NBAS: variants seen among roughly 807,000 people sequenced by gnomAD.
The protein encoded by NBAS is NAG/BC035112 fusion.
A neutral mutation model predicts 302.5 loss-of-function variants in NBAS; 219 were observed. That is an observed-to-expected ratio of 0.72 (90% CI 0.65 to 0.81). The LOEUF is 0.81. NBAS is among the 30% of genes least tolerant of loss of function. The pLI is 0.00. For synonymous variants in NBAS, 1,118 were observed against 1,021.6 expected (o/e 1.09, Z -1.80); for missense variants, 2,932 against 2,841.6 (o/e 1.03, Z -0.72).
At chr2:15,212,735 T>C (rs1330111420) in intron 48 of NBAS, among the ~76,000 whole-genome samples, 1 of 152,154 alleles carries the variant, frequency 6.6e-6, no homozygotes, top group Non-Finnish European at 1.5e-5. Context: ...TCTGATGGTT[T>C]TATAGGAAGC....
the NBAS span, among the ~76,000 whole-genome samples, chr2:14,891,184 C>T: frequency 1.3e-5 from 2 of 152,152 alleles, no homozygotes; most frequent in African/African-American, 4.8e-5. Flanking sequence ...AGCCGGTGGG[C>T]AGACCACAGG....
chr2:15,161,789 A>G, the NBAS span, among the ~76,000 whole-genome samples: 1 of 152,154 alleles, frequency 6.6e-6, no homozygotes, highest in African/African-American at 2.4e-5. Context: ...TCCTCCCAGA[A>G]AGTCATAACC....
chr2:14,903,351 A>T, the NBAS span, among the ~76,000 whole-genome samples: 35,147 of 150,782 alleles, frequency 0.23, 4,305 homozygotes, highest in Non-Finnish European at 0.26. Flanking sequence ...AGAAAGAAAC[A>T]TGTTGAAAAT....
intron 28 of NBAS, among the ~76,000 whole-genome samples, chr2:15,385,919 A>T (rs181937343): frequency 2.1e-4 from 32 of 152,324 alleles, no homozygotes; most frequent in African/African-American, 7.5e-4. Context: ...GGTGGTAGGT[A>T]ATCTAGCAGC....
intron 11 of NBAS, among the ~76,000 whole-genome samples, chr2:15,497,882 A>C (rs1050908321): frequency 1.3e-5 from 2 of 152,180 alleles, no homozygotes; most frequent in African/African-American, 4.8e-5. Flanking sequence ...AATTAGTAAA[A>C]TATTTCCTTG....
chr2:15,460,253 A>T (rs1016011035), intron 21 of NBAS, among the ~76,000 whole-genome samples: 3 of 152,218 alleles, frequency 2.0e-5, no homozygotes, highest in Non-Finnish European at 2.9e-5. Context: ...GTTAACAAGC[A>T]GATATTATAA....
chr2:15,258,465 A>C (rs1471689379), intron 44 of NBAS, among the ~76,000 whole-genome samples: 5 of 152,126 alleles, frequency 3.3e-5, no homozygotes, highest in Admixed American at 3.3e-4. Flanking sequence ...GATATCCCTA[A>C]ATTCTTCTCC....
chr2:15,330,563 G>A, intron 36 of NBAS, 35 bp downstream of exon 36: 1 of 1,611,386 alleles, frequency 6.2e-7, no homozygotes, highest in Non-Finnish European at 8.5e-7. Context: ...TATAAACCAT[G>A]CAGTTGATTT....
At chr2:15,018,566 C>A in the NBAS span, among the ~76,000 whole-genome samples, 2 of 151,970 alleles carry the variant, frequency 1.3e-5, no homozygotes, top group African/African-American at 2.4e-5. Context: ...AATAAATTAA[C>A]CTTAGTTTCT....
the NBAS span, among the ~76,000 whole-genome samples, chr2:14,943,573 A>G: frequency 6.6e-6 from 1 of 152,232 alleles, no homozygotes; most frequent in South Asian, 2.1e-4. Flanking sequence ...TCCAGTAATT[A>G]GCACAGTTCT....
the NBAS span, among the ~76,000 whole-genome samples, chr2:15,058,869 A>G: frequency 6.6e-6 from 1 of 152,162 alleles, no homozygotes; most frequent in Non-Finnish European, 1.5e-5. Flanking sequence ...CAGGAGATAG[A>G]TTAAAGCCGA....
the NBAS span, among the ~76,000 whole-genome samples, chr2:14,998,578 G>A: frequency 6.6e-6 from 1 of 152,168 alleles, no homozygotes; most frequent in Admixed American, 6.6e-5. Flanking sequence ...CAAATTGGGG[G>A]AAACAGTAAA....
At chr2:15,478,730 T>A (rs969312854) in intron 12 of NBAS, among the ~76,000 whole-genome samples, 1 of 152,154 alleles carries the variant, frequency 6.6e-6, no homozygotes, top group African/African-American at 2.4e-5. Flanking sequence ...TACCTCCTAG[T>A]CCTTTTTATG....
intron 9 of NBAS, among the ~76,000 whole-genome samples, chr2:15,532,782 C>G (rs963509304): frequency 6.6e-6 from 1 of 151,744 alleles, no homozygotes; most frequent in Non-Finnish European, 1.5e-5. Context: ...TAAAACTAAA[C>G]ACTTGAAATT....
At chr2:15,125,974 C>A in the NBAS span, among the ~76,000 whole-genome samples, 1 of 152,026 alleles carries the variant, frequency 6.6e-6, no homozygotes, top group Non-Finnish European at 1.5e-5. Context: ...GGGACTGGGG[C>A]AGAATAATAT....
the NBAS span, among the ~76,000 whole-genome samples, chr2:14,899,032 A>G: frequency 3.3e-5 from 5 of 152,152 alleles, no homozygotes; most frequent in Admixed American, 3.3e-4. Context: ...CCTGGAAACT[A>G]GGGTGGCCAG....
chr2:15,085,168 A>T, the NBAS span, among the ~76,000 whole-genome samples: 1 of 152,148 alleles, frequency 6.6e-6, no homozygotes, highest in African/African-American at 2.4e-5. Flanking sequence ...GTGGTGCCAC[A>T]CTTGCACACG....
intron 40 of NBAS, among the ~76,000 whole-genome samples, chr2:15,297,808 G>C (rs755424705): frequency 3.3e-5 from 5 of 152,040 alleles, no homozygotes; most frequent in Admixed American, 6.6e-5. Context: ...TATTGTTCCA[G>C]GTAGACATTT....
intron 9 of NBAS, among the ~76,000 whole-genome samples, chr2:15,518,762 G>A (rs1366924830): frequency 6.6e-6 from 1 of 152,138 alleles, no homozygotes; most frequent in Non-Finnish European, 1.5e-5. Context: ...AGCTCCACAT[G>A]GCTGGGGAGG....
Sources: gnomAD v4.1 joint callset for allele counts (sites outside exome capture counted in the v4.1 genomes callset) on GRCh38, gnomAD v4.1.1 for gene constraint, MANE v1.5 for transcripts, NCBI Gene and HGNC (gene_info 2026-07-23, HGNC 2026-07-21) for gene names.